PAPSS2: variants seen among roughly 807,000 people sequenced by gnomAD.
The protein encoded by PAPSS2 is 3'-phosphoadenosine 5'-phosphosulfate synthase 2, also known as bifunctional 3'-phosphoadenosine 5'-phosphosulfate synthase 2.
A neutral mutation model predicts 66.5 loss-of-function variants in PAPSS2; 61 were observed. That is an observed-to-expected ratio of 0.92 (90% CI 0.75 to 1.14). The LOEUF (loss-of-function observed/expected upper bound fraction) is 1.14, where lower values mean the gene tolerates loss of function less well. Among genes scored for constraint, PAPSS2 ranks in the 50% most tolerant of loss-of-function variants. The probability of loss-of-function intolerance (pLI) is 0.00; values close to 1 mark genes in which losing one functional copy is unlikely to be tolerated. For missense variants in PAPSS2, 708 were observed against 789.6 expected, an observed-to-expected ratio of 0.90 and a Z score of 1.24; for synonymous variants, 289 against 287.5, an observed-to-expected ratio of 1.01 and a Z score of -0.05.
chr10:87,708,532 G>C (rs564148795), intron 1 of PAPSS2, among the ~76,000 whole-genome samples: 18 of 152,148 alleles, frequency 1.2e-4, no homozygotes, highest in East Asian at 1.2e-3. Context: ...TATTTCCTCA[G>C]CTACTGGAGT....
chr10:87,731,813 A>G (rs1853733265), intron 9 of PAPSS2, among the ~76,000 whole-genome samples: 1 of 152,212 alleles, frequency 6.6e-6, no homozygotes, highest in Non-Finnish European at 1.5e-5. Flanking sequence ...ATAGAATTTG[A>G]AAGGATGAGG....
chr10:87,723,436 A>AC (rs1853620204), intron 8 of PAPSS2, among the ~76,000 whole-genome samples: 1 of 131,844 alleles, frequency 7.6e-6, no homozygotes, highest in Non-Finnish European at 1.7e-5. Flanking sequence ...CAGTGAGGAA[A>AC]CTGAGTTTAG....
intron 9 of PAPSS2, 132 bp from the exon 10 acceptor site, chr10:87,741,103 T>C (rs970537533): frequency 5.4e-6 from 5 of 919,078 alleles, no homozygotes; most frequent in African/African-American, 5.0e-5. Flanking sequence ...TGAGAAATAC[T>C]GTGCCAGAAA....
At chr10:87,681,166 A>G (rs1002543847) in intron 1 of PAPSS2, among the ~76,000 whole-genome samples, 3 of 152,206 alleles carry the variant, frequency 2.0e-5, no homozygotes, top group Admixed American at 6.5e-5. Context: ...CAAGACATCA[A>G]TAGTGCCAAG....
At chr10:87,689,684 A>AG (rs1203969964) in intron 1 of PAPSS2, among the ~76,000 whole-genome samples, 2 of 112,864 alleles carry the variant, frequency 1.8e-5, no homozygotes, top group South Asian at 2.4e-4. Context: ...AAAAAAAAAG[A>AG]AAAAAAAAAA....
At chr10:87,681,120 A>G (rs1853015220) in intron 1 of PAPSS2, among the ~76,000 whole-genome samples, 1 of 152,232 alleles carries the variant, frequency 6.6e-6, no homozygotes, top group Non-Finnish European at 1.5e-5. Context: ...GCACAGGACC[A>G]CAGGACAGCC....
At chr10:87,675,895 A>G (rs903302238) in intron 1 of PAPSS2, among the ~76,000 whole-genome samples, 2 of 151,556 alleles carry the variant, frequency 1.3e-5, no homozygotes, top group African/African-American at 4.9e-5. Flanking sequence ...AAATGAAAGC[A>G]TTGTAACATG....
intron 1 of PAPSS2, among the ~76,000 whole-genome samples, chr10:87,689,048 G>A (rs1382498321): frequency 1.3e-5 from 2 of 152,074 alleles, no homozygotes; most frequent in African/African-American, 4.8e-5. Flanking sequence ...AGAACCAGGG[G>A]TCAGGGCCGG....
At chr10:87,675,957 C>A (rs1852938382) in intron 1 of PAPSS2, among the ~76,000 whole-genome samples, 2 of 145,850 alleles carry the variant, frequency 1.4e-5, no homozygotes, top group Admixed American at 7.1e-5. Flanking sequence ...AAGCTATTTT[C>A]CCTTTCCACA....
intron 4 of PAPSS2, 136 bp from the exon 5 acceptor site, chr10:87,714,609 G>A: frequency 2.8e-6 from 2 of 712,700 alleles, no homozygotes; most frequent in Non-Finnish European, 5.1e-6. Context: ...AGAAGTCAAG[G>A]ATGGCTGTTT....
At chr10:87,690,551 AT>A (rs1392434739) in intron 1 of PAPSS2, among the ~76,000 whole-genome samples, 3 of 152,182 alleles carry the variant, frequency 2.0e-5, no homozygotes, top group Non-Finnish European at 2.9e-5. Context: ...GACTTATGCA[AT>A]AATTAAATAA....
intron 2 of PAPSS2, among the ~76,000 whole-genome samples, chr10:87,712,783 A>G (rs1853478495): frequency 6.6e-6 from 1 of 152,068 alleles, no homozygotes; most frequent in Non-Finnish European, 1.5e-5. Context: ...TCTAATCTTT[A>G]AAACACTCTG....
At chr10:87,718,579 C>A (rs996846501) in intron 7 of PAPSS2, among the ~76,000 whole-genome samples, 5 of 152,182 alleles carry the variant, frequency 3.3e-5, no homozygotes, top group Non-Finnish European at 7.4e-5. Context: ...CCAAGGGGTG[C>A]GTTTCCTGTG....
intron 12 of PAPSS2, 121 bp downstream of exon 12, chr10:87,745,352 C>A: frequency 1.3e-6 from 1 of 775,056 alleles, no homozygotes; most frequent in Non-Finnish European, 2.2e-6. Context: ...GGACTGAGTC[C>A]CTTGAGAGTC....
intron 10 of PAPSS2, 27 bp downstream of exon 10, chr10:87,741,397 T>C (rs765088280): frequency 1.3e-6 from 2 of 1,551,720 alleles, no homozygotes; most frequent in Admixed American, 1.7e-5. Flanking sequence ...TAGTGCATTT[T>C]ATTTATTTAT....
chr10:87,712,995 T>C, intron 2 of PAPSS2, 80 bp from the exon 3 acceptor site: 1 of 801,058 alleles, frequency 1.2e-6, no homozygotes, highest in East Asian at 2.4e-5. Flanking sequence ...TAGTTATATT[T>C]AAAATTACTA....
intron 1 of PAPSS2, among the ~76,000 whole-genome samples, chr10:87,688,876 C>G (rs1279049722): frequency 6.6e-6 from 1 of 152,042 alleles, no homozygotes; most frequent in Admixed American, 6.6e-5. Context: ...TACTCACATT[C>G]AGTTCCACTA....
At chr10:87,740,461 G>A (rs769068590) in intron 9 of PAPSS2, among the ~76,000 whole-genome samples, 6 of 152,076 alleles carry the variant, frequency 3.9e-5, no homozygotes, top group South Asian at 2.1e-4. Context: ...CCAAAGCACA[G>A]TGAACTAATA....
At chr10:87,728,575 A>G (rs759450728) in intron 9 of PAPSS2, among the ~76,000 whole-genome samples, 1 of 152,190 alleles carries the variant, frequency 6.6e-6, no homozygotes, top group South Asian at 2.1e-4. Context: ...CCCCGTCTCT[A>G]CTAAAAATAC....
Sources: gnomAD v4.1 joint callset for allele counts (sites outside exome capture counted in the v4.1 genomes callset) on GRCh38, gnomAD v4.1.1 for gene constraint, MANE v1.5 for transcripts, NCBI Gene and HGNC (gene_info 2026-07-23, HGNC 2026-07-21) for gene names.